Variants in PDE4C observed in about 807,000 individuals in gnomAD.
PDE4C encodes the protein phosphodiesterase 4C.
Under a neutral mutation model 63.9 loss-of-function variants are expected in PDE4C, and 50 were observed. The ratio of observed to expected loss-of-function variants is 0.78; its 90% confidence interval spans 0.62 to 0.99. The LOEUF is 0.99. PDE4C is among the 50% of genes least tolerant of loss of function. The probability of loss-of-function intolerance (pLI) is 0.00; values close to 1 mark genes in which losing one functional copy is unlikely to be tolerated. For synonymous variants in PDE4C, 377 were observed against 385.1 expected (o/e 0.98, Z 0.25); for missense variants, 777 against 899.1 (o/e 0.86, Z 1.74).
At chr19:18,216,185 G>C (rs1241961494) in intron 12 of PDE4C, among the ~76,000 whole-genome samples, 2 of 151,728 alleles carry the variant, frequency 1.3e-5, no homozygotes, top group African/African-American at 2.4e-5. Context: ...CCCAGAAACG[G>C]TTTCCACATT....
intron 13 of PDE4C, among the ~76,000 whole-genome samples, chr19:18,212,333 G>A (rs1327143083): frequency 6.6e-6 from 1 of 151,722 alleles, no homozygotes; most frequent in African/African-American, 2.4e-5. Context: ...ATAGGCATGC[G>A]CCACCATGCC....
chr19:18,222,705 T>TTC (rs1568671605), intron 1 of PDE4C, among the ~76,000 whole-genome samples: 1 of 130,760 alleles, frequency 7.6e-6, no homozygotes, highest in Non-Finnish European at 1.6e-5. Flanking sequence ...CTTTTCTTTT[T>TTC]TTTTTTTTTT....
chr19:18,250,519 G>A (rs1047743328), upstream of PDE4C: 5 of 396,466 alleles, frequency 1.3e-5, no homozygotes, highest in African/African-American at 6.4e-5. Context: ...TTCCCCACAA[G>A]CCTAAGACAC....
chr19:18,250,236 G>T, upstream of PDE4C: 2 of 398,952 alleles, frequency 5.0e-6, no homozygotes, highest in Non-Finnish European at 8.8e-6. Context: ...AGCCCAGGTT[G>T]GCCCTGCTTG....
At chr19:18,224,060 C>T (rs1484743107) in intron 1 of PDE4C, among the ~76,000 whole-genome samples, 1 of 152,234 alleles carries the variant, frequency 6.6e-6, no homozygotes, top group East Asian at 1.9e-4. Flanking sequence ...TTATCTTCCA[C>T]CTCCGGGTCT....
chr19:18,235,296 A>G (rs1968931902), upstream of PDE4C, among the ~76,000 whole-genome samples: 1 of 152,004 alleles, frequency 6.6e-6, no homozygotes, highest in Non-Finnish European at 1.5e-5. Context: ...TCAGTCTCCC[A>G]AGTAGCTGGG....
At chr19:18,242,627 C>CA (rs11341261) in intron 1 of PDE4C, among the ~76,000 whole-genome samples, 2 of 150,540 alleles carry the variant, frequency 1.3e-5, no homozygotes, top group Non-Finnish European at 3.0e-5. Context: ...ACTAAAAATA[C>CA]AAAAAAAAAT....
In PDE4C at chr19:18,233,020, C is replaced by T. The variant is rs200387259; in HGVS notation, c.172G>A (p.Glu58Lys). 1.5e-4 allele frequency: 236 copies of T among 1,538,722 alleles called. No individual in the cohort carries two copies. In the African/African-American group the frequency reaches 2.7e-3, roughly 17 times the overall value. The change falls in exon 1 of 15, where the codon GAG (glutamate) becomes AAG (lysine). Residue 58 changes from glutamate (E) to lysine (K), a missense_variant. Glu to Lys is a moderately conservative substitution (Grantham distance 56, BLOSUM62 1). Transcript: ENST00000594465. ...TCCGGCCGCGGGCTCAGGTCCCTCT[C>T]GCGGCAGCCCGCGGACTTGTCCGGA... is the stretch of plus-strand genomic sequence containing the variant.
chr19:18,237,872 C>CAAA (rs57462449), upstream of PDE4C, among the ~76,000 whole-genome samples: 36 of 94,888 alleles, frequency 3.8e-4, no homozygotes, highest in South Asian at 2.0e-3. Context: ...GACTCCATCT[C>CAAA]AAAAAAAAAA....
chr19:18,240,028 G>C (rs1969011231), intron 1 of PDE4C, among the ~76,000 whole-genome samples: 1 of 151,804 alleles, frequency 6.6e-6, no homozygotes, highest in South Asian at 2.1e-4. Flanking sequence ...CAATGGTGTG[G>C]TCTCTGCTCA....
chr19:18,238,944 C>A (rs1313916042), intron 1 of PDE4C, among the ~76,000 whole-genome samples: 1 of 151,366 alleles, frequency 6.6e-6, no homozygotes, highest in African/African-American at 2.4e-5. Flanking sequence ...TGAGTGGAGA[C>A]CACACCACTG....
rs190522688 is a variant in PDE4C at position 18,231,882 on chromosome 19, C to A, written c.242+1068G>T. Among the ~76,000 whole-genome samples, 7 of 152,022 alleles carry A rather than the reference C, an allele frequency of 4.6e-5. No homozygotes were observed. In the East Asian group the frequency reaches 1.2e-3, roughly 25 times the overall value. ...CTAACCCCACCCCACTCAACTTACA[C>A]GAAACAGGAGAAGCAGCCCCTCCTT... On this transcript the variant is annotated intron_variant, in intron 1 of 14. Transcript: ENST00000594465.
chr19:18,218,191 C>A (rs773939203), exon 11 of PDE4C: 3 of 1,614,066 alleles, frequency 1.9e-6, no homozygotes, highest in African/African-American at 2.7e-5. Flanking sequence ...GGATGGTCCA[C>A]GTCGTGGATG....
chr19:18,219,497 C>T (rs1315845534), intron 7 of PDE4C, 100 bp from the exon 8 acceptor site: 1 of 1,351,398 alleles, frequency 7.4e-7, no homozygotes, highest in Non-Finnish European at 9.9e-7. Flanking sequence ...CAACCTATTT[C>T]CCTTTCTACA....
intron 4 of PDE4C, 56 bp downstream of exon 4, chr19:18,221,049 T>TCCGCCAGGCGCCCCCCCACC: frequency 8.1e-7 from 1 of 1,239,970 alleles, no homozygotes; most frequent in Non-Finnish European, 1.1e-6. Flanking sequence ...CAGCCCGCTT[T>TCCGCCAGGCGCCCCCCCACC]CCGCCCACCT....
intron 1 of PDE4C, among the ~76,000 whole-genome samples, chr19:18,231,934 A>C (rs1057356483): frequency 4.0e-5 from 6 of 151,382 alleles, no homozygotes; most frequent in Admixed American, 3.3e-4. Flanking sequence ...CTTCCTGTGC[A>C]CGAGCTTCCC....
chr19:18,221,027 A>G, intron 4 of PDE4C, 78 bp downstream of exon 4: 1 of 1,101,032 alleles, frequency 9.1e-7, no homozygotes, highest in South Asian at 1.4e-5. Flanking sequence ...CCGGAGCCCC[A>G]GCCTCAATTT....
intron 1 of PDE4C, among the ~76,000 whole-genome samples, chr19:18,241,416 G>A (rs1291749318): frequency 2.0e-5 from 3 of 151,230 alleles, no homozygotes; most frequent in South Asian, 2.1e-4. Flanking sequence ...ACAGGCACCC[G>A]CCACCATGCC....
At chr19:18,225,322 C>A (rs891542278) in intron 1 of PDE4C, among the ~76,000 whole-genome samples, 1 of 152,160 alleles carries the variant, frequency 6.6e-6, no homozygotes, top group Non-Finnish European at 1.5e-5. Context: ...GACGTCCCTG[C>A]GCTGTCTCTA....
Sources: allele counts gnomAD v4.1 joint callset (sites outside exome capture counted in the v4.1 genomes callset), GRCh38; gene constraint gnomAD v4.1.1; transcripts MANE v1.5; gene names NCBI Gene and HGNC (gene_info 2026-07-23, HGNC 2026-07-21).